SNX1: variants seen among roughly 807,000 people sequenced by gnomAD.
SNX1 encodes the protein sorting nexin-1.
Under a neutral mutation model 71.8 loss-of-function variants are expected in SNX1, and 36 were observed. That is an observed-to-expected ratio of 0.50 (90% CI 0.38 to 0.66). The LOEUF (loss-of-function observed/expected upper bound fraction) is 0.66, where lower values mean the gene tolerates loss of function less well. SNX1 is among the 30% of genes least tolerant of loss of function. The pLI is 0.00. For synonymous variants in SNX1, 254 were observed against 240.7 expected (o/e 1.06, Z -0.51); for missense variants, 612 against 646.7 (o/e 0.95, Z 0.58).
At position 64,140,498 on chromosome 15, in the gene SNX1, C is replaced by T. The variant is rs755444629; in HGVS notation, c.*2880C>T. ...CCAGGCTCATCTTGAATGTTCCCTA[C>T]CCTAGCCCTGGAATCAGCCATTTCT... On this transcript the variant is annotated 3_prime_UTR_variant, in exon 15 of 15. Coordinates refer to ENST00000559844, the MANE Select transcript of SNX1 (RefSeq NM_003099.5). 6.6e-6 allele frequency: 1 copy of T among 152,252 alleles called. No homozygotes were observed. Among genetic ancestry groups the T allele is most frequent in the Admixed American group, 6.5e-5 (1 of 15,282 alleles). The allele number at this position is 152,252 out of a possible 1,614,324, so 9.4% of individuals were successfully genotyped here. A position where few individuals can be genotyped will look rare whatever the true frequency, so the allele number is the denominator to read the frequency against.
chr15:64,122,253 A>G (rs1054361899), intron 4 of SNX1, among the ~76,000 whole-genome samples: 3 of 151,484 alleles, frequency 2.0e-5, no homozygotes, highest in Non-Finnish European at 4.4e-5. Context: ...ACTTCTATAA[A>G]ATAAACTTAG....
At chr15:64,115,563 C>CTTTTT (rs5813279) in intron 2 of SNX1, 2 of 325,240 alleles carry the variant, frequency 6.1e-6, no homozygotes, top group South Asian at 2.1e-5. Flanking sequence ...CTTCAAAAGG[C>CTTTTT]TTTTTTTTTT....
intron 1 of SNX1, among the ~76,000 whole-genome samples, chr15:64,101,669 G>A (rs2080963174): frequency 6.6e-6 from 1 of 152,082 alleles, no homozygotes; most frequent in African/African-American, 2.4e-5. Context: ...TCAATTGTTT[G>A]AAGAACCTCC....
intron 6 of SNX1, among the ~76,000 whole-genome samples, chr15:64,126,582 T>C (rs917953682): frequency 4.6e-5 from 7 of 152,044 alleles, no homozygotes; most frequent in African/African-American, 1.7e-4. Flanking sequence ...TTGGTTTTTG[T>C]TTGTTTGTTT....
At chr15:64,131,496 C>T (rs1431408034) in intron 10 of SNX1, 191 bp from the exon 11 acceptor site, 6 of 597,770 alleles carry the variant, frequency 1.0e-5, no homozygotes, top group South Asian at 8.5e-5. Context: ...CCCTCCTGCT[C>T]CTGTGACCAG....
chr15:64,128,216 A>G (rs776598968), intron 8 of SNX1, among the ~76,000 whole-genome samples: 3 of 152,378 alleles, frequency 2.0e-5, no homozygotes, highest in East Asian at 3.9e-4. Flanking sequence ...TTCACAGGCT[A>G]TGCGTAGGCT....
chr15:64,138,341 T>TG lies in SNX1; in HGVS notation c.*725dup, dbSNP rs1185239900. 1.0e-5 allele frequency: 7 copies of TG among 687,536 alleles called. No homozygotes were observed. Among genetic ancestry groups the TG allele is most frequent in the Admixed American group, 3.6e-5 (1 of 27,568 alleles). 42.6% of individuals were successfully genotyped at this position (687,536 alleles called of 1,614,324 possible). A position where few individuals can be genotyped will look rare whatever the true frequency, so the allele number is the denominator to read the frequency against. On this transcript the variant is annotated 3_prime_UTR_variant, in exon 15 of 15. Transcript: ENST00000559844. ...TCTCTCTCTCTTTTTTTTTTTTTTT[T>TG]GGTGTCCCTATCATTAAGCAAGAGC...
intron 6 of SNX1, 83 bp from the exon 7 acceptor site, chr15:64,127,091 C>G (rs1306487178): frequency 1.9e-6 from 2 of 1,047,410 alleles, no homozygotes; most frequent in Non-Finnish European, 2.9e-6. Context: ...ACTGCCTTTC[C>G]TCCTGTTGAC....
In SNX1 at chr15:64,138,130, T is replaced by G. The variant is rs1024485466; in HGVS notation, c.*512T>G. On this transcript the variant is annotated 3_prime_UTR_variant, in exon 15 of 15. Transcript: ENST00000559844. ...AAGTTTTTCTCTACCGTTCACAAGTTTTGTGCTGCTGCTTCCCTCTGGAAA... is the reference window on the plus strand; with the variant it reads ...AAGTTTTTCTCTACCGTTCACAAGTGTTGTGCTGCTGCTTCCCTCTGGAAA... 2.6e-6 allele frequency: 4 copies of G among 1,535,648 alleles called. No homozygotes were observed. Among genetic ancestry groups the G allele is most frequent in the Non-Finnish European group, 3.5e-6 (4 of 1,146,912 alleles).
intron 1 of SNX1, chr15:64,111,371 A>G (rs973101472): frequency 6.6e-6 from 1 of 152,220 alleles, no homozygotes; most frequent in African/African-American, 2.4e-5. Context: ...TTAGCAGGGA[A>G]TAGTTCCAGT....
At position 64,134,401 on chromosome 15, in the gene SNX1, G is replaced by C. The variant is rs1485508794; in HGVS notation, c.1222-263G>C. The C allele has an allele frequency of 1.5e-5, 7 of 466,896 alleles. No individual in the cohort carries two copies. Among genetic ancestry groups the C allele is most frequent in the African/African-American group, 1.4e-4 (7 of 50,912 alleles). The allele number at this position is 466,896 out of a possible 1,614,324, so 28.9% of individuals were successfully genotyped here. A position where few individuals can be genotyped will look rare whatever the true frequency, so the allele number is the denominator to read the frequency against. ...GCCATAGTATTGGTCACTGGCATGAGGCCACCTACTGGATCCCTGCCATCC... is the reference window on the plus strand; with the variant it reads ...GCCATAGTATTGGTCACTGGCATGACGCCACCTACTGGATCCCTGCCATCC... On this transcript the variant is annotated intron_variant, in intron 11 of 14. Coordinates refer to ENST00000559844, the MANE Select transcript of SNX1 (RefSeq NM_003099.5). This position sits in a 1 kb window ranked among gnomAD's most constrained non-coding sequence, Gnocchi z 4.1.
intron 1 of SNX1, among the ~76,000 whole-genome samples, chr15:64,097,864 T>G (rs2080919480): frequency 6.6e-6 from 1 of 152,232 alleles, no homozygotes; most frequent in Non-Finnish European, 1.5e-5. Context: ...TGAAAAAGTT[T>G]GAGGCTTTCC....
chr15:64,098,990 A>G (rs1352110662), intron 1 of SNX1, among the ~76,000 whole-genome samples: 2 of 152,214 alleles, frequency 1.3e-5, no homozygotes, highest in African/African-American at 4.8e-5. Flanking sequence ...TCAGGATGCC[A>G]AGACCCCAAG....
chr15:64,124,533 A>G (rs955892817), intron 5 of SNX1, among the ~76,000 whole-genome samples: 13 of 151,366 alleles, frequency 8.6e-5, no homozygotes, highest in African/African-American at 3.2e-4. Flanking sequence ...AAATAGTATC[A>G]TGCTGATAAT....
Position 64,138,223 on chromosome 15 carries a change from A to G in SNX1, c.*605A>G, listed in dbSNP as rs904229102. The G allele has an allele frequency of 6.6e-5, 98 of 1,495,096 alleles. No homozygotes were observed. The highest frequency in any genetic ancestry group is 8.0e-5 in the Non-Finnish European group (91 of 1,132,448). 92.6% of individuals were successfully genotyped at this position (1,495,096 alleles called of 1,614,324 possible). A position where few individuals can be genotyped will look rare whatever the true frequency, so the allele number is the denominator to read the frequency against. On this transcript the variant is annotated 3_prime_UTR_variant, in exon 15 of 15. Transcript: ENST00000559844. Reference sequence around the variant, plus strand: ...GGGTCTCAATCTGTTTCGTATTCCCACTTCTTTAGGGAAGGAGTTTTAAAA... The same window carrying G: ...GGGTCTCAATCTGTTTCGTATTCCCGCTTCTTTAGGGAAGGAGTTTTAAAA...
chr15:64,110,567 A>G (rs1002625012), intron 1 of SNX1, among the ~76,000 whole-genome samples: 2 of 151,900 alleles, frequency 1.3e-5, no homozygotes, highest in Admixed American at 1.3e-4. Flanking sequence ...AGGCTACTTT[A>G]AAAAAAATTT....
intron 1 of SNX1, among the ~76,000 whole-genome samples, chr15:64,105,988 C>T (rs915015718): frequency 5.9e-5 from 9 of 152,170 alleles, no homozygotes; most frequent in African/African-American, 2.2e-4. Context: ...AAATAAAATA[C>T]ATTAAAATAT....
chr15:64,113,867 G>C (rs1024671881), intron 2 of SNX1, among the ~76,000 whole-genome samples: 26 of 151,968 alleles, frequency 1.7e-4, no homozygotes, highest in African/African-American at 5.3e-4. Flanking sequence ...GAAAGAAAGT[G>C]ATCTTGGAAG....
rs1175103949 is a variant in SNX1, at chr15:64,134,528, G to T, written c.1222-136G>T. On this transcript the variant is annotated intron_variant, in intron 11 of 14. Coordinates refer to ENST00000559844, the MANE Select transcript of SNX1 (RefSeq NM_003099.5). This position sits in a 1 kb window ranked among gnomAD's most constrained non-coding sequence, Gnocchi z 4.1. ...CCTAGACATTAAACTTCCCAGCTGGGCACTAACATGTGGCTGCAGAACCTG... is the reference window on the plus strand; with the variant it reads ...CCTAGACATTAAACTTCCCAGCTGGTCACTAACATGTGGCTGCAGAACCTG... 5 of 988,832 alleles carry T rather than the reference G, an allele frequency of 5.1e-6. No homozygotes were observed. Among genetic ancestry groups the T allele is most frequent in the Non-Finnish European group, 7.3e-6 (5 of 684,702 alleles). The allele number at this position is 988,832 out of a possible 1,614,324, so 61.3% of individuals were successfully genotyped here.
Sources: allele counts gnomAD v4.1 joint callset (sites outside exome capture counted in the v4.1 genomes callset), GRCh38; gene constraint gnomAD v4.1.1; non-coding constraint Gnocchi (gnomAD v3.1); transcripts MANE v1.5; gene names NCBI Gene and HGNC (gene_info 2026-07-23, HGNC 2026-07-21).